Variants in RPAP2 observed in about 807,000 individuals in gnomAD.
RPAP2 encodes RNA polymerase II associated protein 2, also known as putative RNA polymerase II subunit B1 CTD phosphatase RPAP2.
A neutral mutation model predicts 73.1 loss-of-function variants in RPAP2; 52 were observed. That is an observed-to-expected ratio of 0.71 (90% confidence interval 0.57 to 0.90). RPAP2 has a LOEUF of 0.90. RPAP2 is among the 40% of genes least tolerant of loss of function. The probability of loss-of-function intolerance (pLI) is 0.00; values close to 1 mark genes in which losing one functional copy is unlikely to be tolerated. For missense variants in RPAP2, 598 were observed against 701.8 expected (o/e 0.85, Z 1.67); for synonymous variants, 225 against 242.1 (o/e 0.93, Z 0.65).
chr1:92,339,331 C>T (rs1219062963), intron 10 of RPAP2, among the ~76,000 whole-genome samples: 4 of 129,916 alleles, frequency 3.1e-5, no homozygotes, highest in Non-Finnish European at 5.0e-5. Flanking sequence ...CCCCCACAAC[C>T]GCCCCCCAAT....
intron 10 of RPAP2, among the ~76,000 whole-genome samples, chr1:92,336,850 C>T (rs552669986): frequency 5.3e-5 from 8 of 152,100 alleles, no homozygotes; most frequent in Non-Finnish European, 1.0e-4. Flanking sequence ...GTAAACAGTA[C>T]AAGACAGTGG....
At position 92,301,560 on chromosome 1, in the gene RPAP2, G is replaced by T; in HGVS notation, c.204G>T (p.Glu68Asp). 1 of 1,546,394 alleles carries T rather than the reference G, an allele frequency of 6.5e-7. No individual in the cohort carries two copies. Among genetic ancestry groups the T allele is most frequent in the South Asian group, 1.2e-5 (1 of 84,522 alleles). Residue 68 changes from glutamate to aspartate, a missense_variant, in exon 3 of 13, where the codon GAG (glutamate) becomes GAT (aspartate). Glu to Asp is a conservative substitution (Grantham distance 45). This residue lies in a region of RPAP2 where 506 missense variants were observed against 612.8 expected (regional missense o/e 0.83). Coordinates refer to ENST00000610020, the MANE Select transcript of RPAP2 (RefSeq NM_024813.3). The stretch of plus-strand genomic sequence containing the variant: ...ATATTGTTGAACAGCTTTTAGAGGA[G>T]AATATTACAGAAGAGTTCCTAATGG... ...ALHIVEQLLE[E>D]NITEEFLMEC... is the part of the protein sequence containing the mutation.
intron 3 of RPAP2, among the ~76,000 whole-genome samples, chr1:92,303,479 T>C (rs1163766557): frequency 6.6e-6 from 1 of 152,124 alleles, no homozygotes; most frequent in Non-Finnish European, 1.5e-5. Context: ...TCTGTACAGA[T>C]TTTTCAGAAG....
At chr1:92,365,480 G>T (rs1468710266) in intron 11 of RPAP2, among the ~76,000 whole-genome samples, 1 of 152,190 alleles carries the variant, frequency 6.6e-6, no homozygotes, top group Non-Finnish European at 1.5e-5. Flanking sequence ...AGTTCCCCAA[G>T]TGATTCTAAT....
chr1:92,326,509 G>A (rs987605737), intron 8 of RPAP2, among the ~76,000 whole-genome samples: 2 of 152,142 alleles, frequency 1.3e-5, no homozygotes, highest in Non-Finnish European at 2.9e-5. Context: ...GCTGTGGGTA[G>A]GGCCGTAGAA....
intron 11 of RPAP2, among the ~76,000 whole-genome samples, chr1:92,370,998 T>C (rs539290169): frequency 3.7e-4 from 57 of 152,246 alleles, no homozygotes; most frequent in African/African-American, 1.2e-3. Context: ...GAGAACAATG[T>C]GGAGGTTCCT....
At chr1:92,313,052 G>A (rs998020213) in intron 6 of RPAP2, among the ~76,000 whole-genome samples, 1 of 152,138 alleles carries the variant, frequency 6.6e-6, no homozygotes, top group African/African-American at 2.4e-5. Context: ...TTTTAGTAGA[G>A]ATGGGGGTTT....
chr1:92,316,645 G>T lies in RPAP2; in HGVS notation c.489-3954G>T, dbSNP rs560582225. Among the ~76,000 whole-genome samples the T allele has an allele frequency of 3.3e-5, 5 of 152,200 alleles. No individual in the cohort carries two copies. In the East Asian group the frequency reaches 9.7e-4, roughly 29 times the overall value. ...TAGGATGGTTACATATTTTTGTTTT[G>T]TAAACTGAGCTTTCACAACTATCTT... On this transcript the variant is annotated intron_variant, in intron 6 of 12. Coordinates refer to ENST00000610020, the MANE Select transcript of RPAP2 (RefSeq NM_024813.3).
chr1:92,356,577 C>G (rs1019539694), intron 11 of RPAP2, among the ~76,000 whole-genome samples: 30 of 132,268 alleles, frequency 2.3e-4, no homozygotes, highest in African/African-American at 8.3e-4. Context: ...TGTCACCACT[C>G]CTGGCTAATT....
At chr1:92,375,890 C>T (rs1655367470) in intron 11 of RPAP2, among the ~76,000 whole-genome samples, 1 of 150,652 alleles carries the variant, frequency 6.6e-6, no homozygotes, top group Non-Finnish European at 1.5e-5. Flanking sequence ...GTCCCAGCCA[C>T]TCAGGAAGCA....
intron 7 of RPAP2, among the ~76,000 whole-genome samples, chr1:92,322,065 C>T (rs1571054491): frequency 6.6e-6 from 1 of 150,912 alleles, no homozygotes; most frequent in East Asian, 2.0e-4. Context: ...CCTGCCTCAG[C>T]CTCCTGAGTA....
intron 6 of RPAP2, among the ~76,000 whole-genome samples, chr1:92,315,181 T>G (rs2101142683): frequency 6.6e-6 from 1 of 152,218 alleles, no homozygotes; most frequent in Non-Finnish European, 1.5e-5. Context: ...AAGTTACTAA[T>G]TGGCCTAATT....
At chr1:92,365,620 T>C (rs888409596) in intron 11 of RPAP2, among the ~76,000 whole-genome samples, 11 of 152,240 alleles carry the variant, frequency 7.2e-5, no homozygotes, top group African/African-American at 2.2e-4. Context: ...CTTAACCTTT[T>C]TTCTAAAATC....
At chr1:92,302,028 C>A (rs1317478413) in intron 3 of RPAP2, among the ~76,000 whole-genome samples, 1 of 152,110 alleles carries the variant, frequency 6.6e-6, no homozygotes, top group Non-Finnish European at 1.5e-5. Context: ...CTCATGTAAT[C>A]CCAGCACTTT....
chr1:92,351,305 C>CAAAAAA (rs60111119), intron 11 of RPAP2, among the ~76,000 whole-genome samples: 18 of 86,820 alleles, frequency 2.1e-4, no homozygotes, highest in East Asian at 3.6e-4. Flanking sequence ...GACTCTGTCT[C>CAAAAAA]AAAAAAAAAA....
intron 11 of RPAP2, among the ~76,000 whole-genome samples, chr1:92,379,476 A>T (rs1655527364): frequency 6.6e-6 from 1 of 152,214 alleles, no homozygotes; most frequent in Non-Finnish European, 1.5e-5. Flanking sequence ...TTTAAAAATC[A>T]TGTCCTGATC....
chr1:92,345,410 GAGAAGA>G (rs1218828989), intron 10 of RPAP2, among the ~76,000 whole-genome samples: 3 of 125,680 alleles, frequency 2.4e-5, no homozygotes, highest in African/African-American at 8.6e-5. Flanking sequence ...AAGAGAGAGA[GAGAAGA>G]AAGAAAGAGA....
rs576750186 is a variant in RPAP2 at position 92,394,763 on chromosome 1, C to T, written c.*7752C>T. ...AATGTTGTTAAGATAGCAGTTCTCC[C>T]CAAATTAATCTACAATGCAATCCCT... On this transcript the variant is annotated 3_prime_UTR_variant, in exon 13 of 13. Transcript: ENST00000610020. 1 of 152,292 alleles carries T rather than the reference C, an allele frequency of 6.6e-6. No homozygotes were observed. The highest frequency in any genetic ancestry group is 2.1e-4 in the South Asian group (1 of 4,820). 9.4% of individuals were successfully genotyped at this position (152,292 alleles called of 1,614,324 possible). A position where few individuals can be genotyped will look rare whatever the true frequency, so the allele number is the denominator to read the frequency against.
intron 11 of RPAP2, among the ~76,000 whole-genome samples, chr1:92,368,057 T>A (rs1377428847): frequency 2.6e-5 from 4 of 152,186 alleles, no homozygotes; most frequent in Non-Finnish European, 5.9e-5. Context: ...AGCTACAATA[T>A]GGAGTTTCCA....
Sources: gnomAD v4.1 joint callset for allele counts (sites outside exome capture counted in the v4.1 genomes callset) on GRCh38, gnomAD v4.1.1 for gene constraint, gnomAD v4.1.1 regional missense constraint, MANE v1.5 for transcripts, NCBI Gene and HGNC (gene_info 2026-07-23, HGNC 2026-07-21) for gene names.